HSP90AA1: variants seen among roughly 807,000 people sequenced by gnomAD.
The protein encoded by HSP90AA1 is heat shock protein 90 alpha family class A member 1.
In HSP90AA1, 18 loss-of-function variants were observed where a neutral mutation model predicts 73.3. The ratio of observed to expected loss-of-function variants is 0.25; its 90% CI spans 0.17 to 0.36. HSP90AA1 has a LOEUF of 0.36. HSP90AA1 is among the 10% of genes least tolerant of loss of function. HSP90AA1 has a pLI of 1.00. For synonymous variants in HSP90AA1, 477 were observed against 296.9 expected (o/e 1.61, Z -6.24); for missense variants, 704 against 874.2 (o/e 0.81, Z 2.45).
At chr14:102,133,031 G>A (rs928590737) in intron 1 of HSP90AA1, among the ~76,000 whole-genome samples, 7 of 152,062 alleles carry the variant, frequency 4.6e-5, no homozygotes, top group African/African-American at 1.7e-4. Flanking sequence ...TGTAATCCCA[G>A]CACTTTGGGA....
In HSP90AA1 at chr14:102,083,783, T is replaced by TG; in HGVS notation, c.1338+9_1338+10insC. The TG allele has an allele frequency of 1.2e-6, 2 of 1,610,258 alleles. No homozygotes were observed. The highest frequency in any genetic ancestry group is 1.7e-6 in the Non-Finnish European group (2 of 1,177,958). ...GGCCAATTGGAAAACTAATGGTTAT[T>TG]TACACCAACCTTTATGTTTTTAGAG... On this transcript the variant is annotated intron_variant, in intron 7 of 10. Coordinates refer to ENST00000216281, the MANE Select transcript of HSP90AA1 (RefSeq NM_005348.4).
chr14:102,081,083 C>A lies in HSP90AA1; in HGVS notation c.*629G>T. 4.4e-6 allele frequency: 1 copy of A among 227,992 alleles called. No homozygotes were observed. 14.1% of individuals were successfully genotyped at this position (227,992 alleles called of 1,614,324 possible). ...CATCTGTATTTGTTACAACTTTAAG[C>A]AGAATGTGACTCGAGCACTACATTT... On this transcript the variant is annotated 3_prime_UTR_variant, in exon 11 of 11. Coordinates refer to ENST00000216281, the MANE Select transcript of HSP90AA1 (RefSeq NM_005348.4).
At chr14:102,121,119 A>G (rs903087764) in intron 1 of HSP90AA1, among the ~76,000 whole-genome samples, 2 of 151,592 alleles carry the variant, frequency 1.3e-5, no homozygotes, top group African/African-American at 2.4e-5. Context: ...TGCAGCTTCA[A>G]CCCCCTGGGC....
rs75493258 is a variant in HSP90AA1, at chr14:102,111,707, A to G, written c.156-9622T>C. ...AAGCTGGAATAAATACTTCCTCAGA[A>G]TTTTGAAGCCATTTCTCAATTGTTC... On this transcript the variant is annotated intron_variant, in intron 1 of 11. Coordinates refer to the HSP90AA1 transcript ENST00000334701. Among the ~76,000 whole-genome samples the G allele has an allele frequency of 4.0e-3, 613 of 152,362 alleles. 10 individuals carry two copies. The East Asian group carries it at 0.048, about 12-fold the overall frequency.
At chr14:102,087,880 C>A (rs1248904400), upstream of HSP90AA1, among the ~76,000 whole-genome samples, 1 of 149,158 alleles carries the variant, frequency 6.7e-6, no homozygotes, top group African/African-American at 2.5e-5. Flanking sequence ...GACCGATTTG[C>A]GGTCTCCAAA....
upstream of HSP90AA1, among the ~76,000 whole-genome samples, chr14:102,090,882 G>A (rs955085418): frequency 6.6e-6 from 1 of 152,196 alleles, no homozygotes; most frequent in Non-Finnish European, 1.5e-5. Flanking sequence ...AAAGCTTTCA[G>A]TGTCCCTCAG....
upstream of HSP90AA1, among the ~76,000 whole-genome samples, chr14:102,090,279 C>T (rs1193199093): frequency 2.0e-5 from 3 of 152,182 alleles, no homozygotes; most frequent in Non-Finnish European, 4.4e-5. Context: ...CTGCCTCCCA[C>T]CAGGCCAGGT....
intron 1 of HSP90AA1, among the ~76,000 whole-genome samples, chr14:102,123,537 T>G (rs185349421): frequency 1.0e-4 from 15 of 148,114 alleles, no homozygotes; most frequent in Admixed American, 2.0e-4. Context: ...AACCTTGTGG[T>G]TTTTTTTTTC....
intron 1 of HSP90AA1, among the ~76,000 whole-genome samples, chr14:102,134,851 G>A (rs777245845): frequency 6.6e-6 from 1 of 152,124 alleles, no homozygotes; most frequent in Admixed American, 6.5e-5. Context: ...ATGCTAGCTC[G>A]GGCAGCCTGC....
intron 2 of HSP90AA1, among the ~76,000 whole-genome samples, chr14:102,100,228 T>G (rs1183434259): frequency 1.3e-5 from 2 of 152,116 alleles, no homozygotes; most frequent in Non-Finnish European, 2.9e-5. Context: ...AATTATTATG[T>G]AAAAATTTTC....
upstream of HSP90AA1, among the ~76,000 whole-genome samples, chr14:102,087,940 T>TGG (rs1566722885): frequency 7.5e-6 from 1 of 133,944 alleles, no homozygotes; most frequent in African/African-American, 2.9e-5. Flanking sequence ...GGTTTTTTTT[T>TGG]TTTTTTTTTT....
Position 102,105,186 on chromosome 14 carries a change from G to A in HSP90AA1, c.156-3101C>T, listed in dbSNP as rs190462649. 1.6e-4 allele frequency among the ~76,000 whole-genome samples: 21 copies of A among 134,516 alleles called. No individual in the cohort carries two copies. The Admixed American group carries it at 1.8e-3, about 11-fold the overall frequency. The allele number at this position is 134,516 out of a possible 152,430, so 88.2% of individuals were successfully genotyped here. ...CGTGCCACTGCACTCCAGCCTGGGCGACAGAGTGAGAGTCTGTCTCAAAAA... is the reference window on the plus strand; with the variant it reads ...CGTGCCACTGCACTCCAGCCTGGGCAACAGAGTGAGAGTCTGTCTCAAAAA... On this transcript the variant is annotated intron_variant, in intron 1 of 11. Transcript: ENST00000334701.
At chr14:102,091,992 T>G (rs947145822), upstream of HSP90AA1, among the ~76,000 whole-genome samples, 1 of 152,012 alleles carries the variant, frequency 6.6e-6, no homozygotes, top group Non-Finnish European at 1.5e-5. Context: ...AAAATTTCCT[T>G]TTATTTCTTG....
chr14:102,081,763 C>T lies in HSP90AA1; in HGVS notation c.2148G>A (p.Met716Ile), dbSNP rs1425176192. 6.3e-7 allele frequency: 1 copy of T among 1,599,720 alleles called. No homozygotes were observed. Among genetic ancestry groups the T allele is most frequent in the East Asian group, 2.2e-5 (1 of 44,824 alleles). The change falls in exon 11 of 11, where the codon ATG (methionine) becomes ATA (isoleucine). Residue 716 changes from methionine to isoleucine, a missense_variant. Met to Ile is a conservative substitution (Grantham distance 10). Transcript: ENST00000216281. ...TGTCGTCATCTCCTTCAAGGGGTGG[C>T]ATTTCTTCAGTTACAGCAGCACTGG... is the stretch of plus-strand genomic sequence containing the variant. ...DDTSAAVTEE[M>I]PPLEGDDDTS...
At chr14:102,114,771 G>A (rs372360876) in intron 1 of HSP90AA1, among the ~76,000 whole-genome samples, 230 of 152,022 alleles carry the variant, frequency 1.5e-3, no homozygotes, top group African/African-American at 5.2e-3. Context: ...AGGCTGAGGC[G>A]GGCAGATCGC....
intron 1 of HSP90AA1, among the ~76,000 whole-genome samples, chr14:102,134,312 G>C (rs2049950381): frequency 8.7e-6 from 1 of 114,562 alleles, no homozygotes. Context: ...GACAGAGCAA[G>C]GCTCTGTCTC....
At chr14:102,139,725 G>C, upstream of HSP90AA1, 1 of 808,688 alleles carries the variant, frequency 1.2e-6, no homozygotes, top group South Asian at 1.8e-5. Flanking sequence ...GGTGGAGCAC[G>C]CCAGGTGAGC....
intron 9 of HSP90AA1, 195 bp from the exon 10 acceptor site, chr14:102,082,639 G>T: frequency 3.3e-6 from 2 of 599,682 alleles, no homozygotes; most frequent in Non-Finnish European, 5.9e-6. Context: ...TTTTTTTTTT[G>T]AGATAGAGTC....
upstream of HSP90AA1, among the ~76,000 whole-genome samples, chr14:102,087,735 C>T (rs1324620537): frequency 1.3e-5 from 2 of 152,118 alleles, no homozygotes; most frequent in African/African-American, 4.8e-5. Flanking sequence ...GGGAGCGCTC[C>T]CTACTTTTGG....
Sources: gnomAD v4.1 joint callset for allele counts (sites outside exome capture counted in the v4.1 genomes callset) on GRCh38, gnomAD v4.1.1 for gene constraint, MANE v1.5 for transcripts, NCBI Gene and HGNC (gene_info 2026-07-23, HGNC 2026-07-21) for gene names.